Variants in B4GALT6 observed in about 807,000 individuals in gnomAD.
B4GALT6 encodes the protein UDP-Gal:beta-GlcNAc beta-1,4-galactosyltransferase 6.
B4GALT6 carries 14 observed loss-of-function variants against 46.3 expected under a neutral mutation model. The observed-to-expected ratio is 0.30, with a 90% CI of 0.20 to 0.47. The LOEUF (loss-of-function observed/expected upper bound fraction) is 0.47. Among genes scored for constraint, B4GALT6 ranks in the 20% least tolerant of loss-of-function variants. The pLI is 0.99. For missense variants in B4GALT6, 386 were observed against 480.1 expected, an observed-to-expected ratio of 0.80 and a Z score of 1.83; for synonymous variants, 168 against 162.0, an observed-to-expected ratio of 1.04 and a Z score of -0.28.
intron 1 of B4GALT6, among the ~76,000 whole-genome samples, chr18:31,678,273 C>A (rs956744091): frequency 1.3e-5 from 2 of 152,222 alleles, no homozygotes; most frequent in South Asian, 2.1e-4. Flanking sequence ...AGGAAAGGAG[C>A]ACTTATAAGG....
intron 5 of B4GALT6, among the ~76,000 whole-genome samples, chr18:31,636,887 T>C (rs2073865668): frequency 6.6e-6 from 1 of 152,272 alleles, no homozygotes; most frequent in African/African-American, 2.4e-5. Flanking sequence ...AGTGGCGCAA[T>C]CTTGGCTCAC....
intron 1 of B4GALT6, among the ~76,000 whole-genome samples, chr18:31,667,823 T>C (rs1189673347): frequency 6.6e-6 from 1 of 152,140 alleles, no homozygotes; most frequent in Non-Finnish European, 1.5e-5. Flanking sequence ...AAGTGGACTT[T>C]AAAAGAATGA....
chr18:31,672,249 A>G (rs1053315516), intron 1 of B4GALT6, among the ~76,000 whole-genome samples: 3 of 152,246 alleles, frequency 2.0e-5, no homozygotes, highest in Admixed American at 6.5e-5. Flanking sequence ...TCTCTTAACA[A>G]AAGTCTAGTG....
In B4GALT6 at chr18:31,631,150, C is replaced by T. The variant is rs769380898; in HGVS notation, c.589-4G>A. 21 of 1,605,622 alleles carry T rather than the reference C, an allele frequency of 1.3e-5. No individual in the cohort carries two copies. The highest frequency in any genetic ancestry group is 1.6e-5 in the Non-Finnish European group (19 of 1,175,042). On this transcript the variant is annotated splice_polypyrimidine_tract_variant and splice_region_variant and intron_variant, in intron 5 of 8. Coordinates refer to ENST00000306851, the MANE Select transcript of B4GALT6 (RefSeq NM_004775.5). ...GGTTAAAAGGTTGTGTGCCAGTCTTCATGGAGCAGACCGAGAGAAAAAAAT... is the reference window on the plus strand; with the variant it reads ...GGTTAAAAGGTTGTGTGCCAGTCTTTATGGAGCAGACCGAGAGAAAAAAAT...
chr18:31,650,495 C>T (rs1369427074), intron 3 of B4GALT6, among the ~76,000 whole-genome samples: 1 of 152,194 alleles, frequency 6.6e-6, no homozygotes, highest in Non-Finnish European at 1.5e-5. Flanking sequence ...AGAAGTGGCA[C>T]TTCTGGTCTC....
chr18:31,642,189 C>A (rs555721944), intron 4 of B4GALT6, among the ~76,000 whole-genome samples: 2 of 152,024 alleles, frequency 1.3e-5, no homozygotes, highest in Non-Finnish European at 2.9e-5. Context: ...CATTTTTTTT[C>A]TTTTAGAGAT....
chr18:31,693,033 A>G, the B4GALT6 span, among the ~76,000 whole-genome samples: 1 of 152,188 alleles, frequency 6.6e-6, no homozygotes, highest in Non-Finnish European at 1.5e-5. Context: ...ACTTCTACCA[A>G]TCTCCTAATT....
At chr18:31,722,194 C>T in the B4GALT6 span, among the ~76,000 whole-genome samples, 12 of 152,194 alleles carry the variant, frequency 7.9e-5, no homozygotes, top group Non-Finnish European at 1.6e-4. Flanking sequence ...TATAGAATCT[C>T]ATCCAAGATA....
At chr18:31,689,491 T>C (rs189661985), upstream of B4GALT6, among the ~76,000 whole-genome samples, 1 of 152,156 alleles carries the variant, frequency 6.6e-6, no homozygotes, top group Non-Finnish European at 1.5e-5. Context: ...ATGCCTGTAA[T>C]CCCAGCACTT....
In B4GALT6 at chr18:31,666,386, A is replaced by G. The variant is rs1235174352; in HGVS notation, c.116-14T>C. 1 of 1,346,388 alleles carries G rather than the reference A, an allele frequency of 7.4e-7. No individual in the cohort carries two copies. Among genetic ancestry groups the G allele is most frequent in the Non-Finnish European group, 1.0e-6 (1 of 955,662 alleles). 83.4% of individuals were successfully genotyped at this position (1,346,388 alleles called of 1,614,324 possible). ...GATATGTGTTGGCTATAAAAGAAAAATAGAGAAAGAATGTCATAACACAGT... is the reference window on the plus strand; with the variant it reads ...GATATGTGTTGGCTATAAAAGAAAAGTAGAGAAAGAATGTCATAACACAGT... On this transcript the variant is annotated splice_polypyrimidine_tract_variant and intron_variant, in intron 1 of 8. Coordinates refer to ENST00000306851, the MANE Select transcript of B4GALT6 (RefSeq NM_004775.5).
chr18:31,700,958 T>C, the B4GALT6 span, among the ~76,000 whole-genome samples: 1 of 152,224 alleles, frequency 6.6e-6, no homozygotes, highest in Non-Finnish European at 1.5e-5. Flanking sequence ...ATTTCAGGAA[T>C]AATTTATATC....
At chr18:31,684,649 G>A (rs2074522562), upstream of B4GALT6, 3 of 1,175,958 alleles carry the variant, frequency 2.6e-6, no homozygotes, top group African/African-American at 4.8e-5. Flanking sequence ...CGCGGAGGCC[G>A]AGGGACAAGA....
chr18:31,637,231 C>A (rs536222290), intron 5 of B4GALT6, among the ~76,000 whole-genome samples: 2 of 151,932 alleles, frequency 1.3e-5, no homozygotes, highest in South Asian at 4.2e-4. Flanking sequence ...ATTTATTCAG[C>A]TTTGATAGCA....
At position 31,625,280 on chromosome 18, in the gene B4GALT6, A is replaced by G. The variant is rs1486762667; in HGVS notation, c.*334T>C. 4.5e-6 allele frequency: 1 copy of G among 224,416 alleles called. No homozygotes were observed. Among genetic ancestry groups the G allele is most frequent in the Non-Finnish European group, 8.6e-6 (1 of 116,596 alleles). 13.9% of individuals were successfully genotyped at this position (224,416 alleles called of 1,614,324 possible). A position where few individuals can be genotyped will look rare whatever the true frequency, so the allele number is the denominator to read the frequency against. On this transcript the variant is annotated 3_prime_UTR_variant, in exon 9 of 9. Transcript: ENST00000306851. Reference sequence around the variant, plus strand: ...CATTAATTTATATCACATATATACAAAATATGTTTAAACGGAAATAAAAGC... The same window carrying G: ...CATTAATTTATATCACATATATACAGAATATGTTTAAACGGAAATAAAAGC...
chr18:31,715,331 T>C, the B4GALT6 span, among the ~76,000 whole-genome samples: 1 of 152,106 alleles, frequency 6.6e-6, no homozygotes, highest in African/African-American at 2.4e-5. Flanking sequence ...GCTCAAATGA[T>C]CCTCCTGCCT....
intron 2 of B4GALT6, among the ~76,000 whole-genome samples, chr18:31,659,676 A>C (rs1598907203): frequency 1.3e-5 from 2 of 152,268 alleles, no homozygotes; most frequent in East Asian, 3.9e-4. Flanking sequence ...GCTAAGGCCT[A>C]TCCTACCAGG....
At chr18:31,700,292 A>C in the B4GALT6 span, among the ~76,000 whole-genome samples, 1 of 152,236 alleles carries the variant, frequency 6.6e-6, no homozygotes, top group Non-Finnish European at 1.5e-5. Flanking sequence ...AGAAAGCCAC[A>C]TAGACAAGAA....
chr18:31,694,120 C>A, the B4GALT6 span, among the ~76,000 whole-genome samples: 3 of 152,228 alleles, frequency 2.0e-5, no homozygotes, highest in Non-Finnish European at 2.9e-5. Flanking sequence ...AGACAGTAAG[C>A]ATGCCTCCAT....
the B4GALT6 span, among the ~76,000 whole-genome samples, chr18:31,723,208 CT>C: frequency 6.6e-6 from 1 of 151,988 alleles, no homozygotes; most frequent in African/African-American, 2.4e-5. Context: ...TAATAGATCC[CT>C]TTTATTGAAA....
Sources: allele counts gnomAD v4.1 joint callset (sites outside exome capture counted in the v4.1 genomes callset), GRCh38; gene constraint gnomAD v4.1.1; transcripts MANE v1.5; gene names NCBI Gene and HGNC (gene_info 2026-07-23, HGNC 2026-07-21).